Variants in NLRP9 observed in about 807,000 individuals in gnomAD.
NLRP9 encodes the protein NLR family pyrin domain containing 9.
NLRP9 carries 88 observed loss-of-function variants against 83.1 expected under a neutral mutation model. That is an observed-to-expected ratio of 1.06 (90% CI 0.89 to 1.26). NLRP9 has a LOEUF of 1.26. Ranked by LOEUF, NLRP9 falls within the 50% of genes most tolerant of loss-of-function variation. The pLI, the probability that NLRP9 is intolerant of heterozygous loss-of-function variation, is 0.00. For missense variants in NLRP9, 1,308 were observed against 1,179.3 expected (o/e 1.11, Z -1.60); for synonymous variants, 521 against 447.6 (o/e 1.16, Z -2.07).
rs200767296 is a variant in NLRP9, at chr19:55,732,126, A to T, written c.1705T>A (p.Phe569Ile). 1 of 1,613,108 alleles carries T rather than the reference A, an allele frequency of 6.2e-7. No homozygotes were observed. The highest frequency in any genetic ancestry group is 2.2e-5 in the East Asian group (1 of 44,880). Residue 569 changes from phenylalanine (F) to isoleucine (I), a missense_variant, in exon 2 of 9, where the codon TTC (phenylalanine) becomes ATC (isoleucine). Transcript: ENST00000332836. ...TKVMNFFEEV[F>I]IYIGNIEHLV... The stretch of plus-strand genomic sequence containing the variant: ...TGTTCTATGTTACCAATATAAATGA[A>T]AACTTCTTCAAAGAAATTCATCACT...
chr19:55,730,592 A>G (rs1988543378), intron 2 of NLRP9, among the ~76,000 whole-genome samples: 1 of 152,236 alleles, frequency 6.6e-6, no homozygotes. Context: ...AAGGAACAAG[A>G]TAATGTCCTT....
In NLRP9 at chr19:55,731,992, GACTC is replaced by G; in HGVS notation, c.1832+3_1832+6del. The G allele has an allele frequency of 6.6e-7, 1 of 1,522,540 alleles. No homozygotes were observed. Among genetic ancestry groups the G allele is most frequent in the Non-Finnish European group, 8.9e-7 (1 of 1,128,000 alleles). 94.3% of individuals were successfully genotyped at this position (1,522,540 alleles called of 1,614,324 possible). On this transcript the variant is annotated splice_donor_5th_base_variant and intron_variant, in intron 2 of 8. Coordinates refer to ENST00000332836, the MANE Select transcript of NLRP9 (RefSeq NM_176820.4). ...GTGTGGGACGGGGGATTAATAGACAGACTCACTCTGAGATGCATCCTGAGTCATC... is the reference window on the plus strand; with the variant it reads ...GTGTGGGACGGGGGATTAATAGACAGACTCTGAGATGCATCCTGAGTCATC...
At chr19:55,713,593 T>TC (rs1555794019) in intron 6 of NLRP9, among the ~76,000 whole-genome samples, 9 of 35,362 alleles carry the variant, frequency 2.5e-4, no homozygotes, top group African/African-American at 9.3e-4. Context: ...CCTCCCCTCC[T>TC]CCTCCTCTCC....
intron 3 of NLRP9, 129 bp from the exon 4 acceptor site, chr19:55,724,273 C>T (rs1460409516): frequency 8.2e-6 from 5 of 611,400 alleles, no homozygotes; most frequent in Non-Finnish European, 8.3e-6. Context: ...TCTGGTTACT[C>T]CTGCCAGTAA....
chr19:55,718,128 A>G (rs540894463), intron 4 of NLRP9, among the ~76,000 whole-genome samples: 172 of 152,342 alleles, frequency 1.1e-3, no homozygotes, highest in African/African-American at 3.9e-3. Flanking sequence ...CAGGCAGTAT[A>G]CTTGGTAAAA....
At chr19:55,731,972 G>A in intron 2 of NLRP9, 27 bp downstream of exon 2, 3 of 1,416,452 alleles carry the variant, frequency 2.1e-6, no homozygotes, top group South Asian at 1.4e-5. Flanking sequence ...GTAGTGTGTG[G>A]GACGGGGGAT....
intron 4 of NLRP9, 96 bp from the exon 5 acceptor site, chr19:55,716,994 G>C (rs944475191): frequency 7.9e-6 from 7 of 883,382 alleles, no homozygotes; most frequent in Non-Finnish European, 1.2e-5. Flanking sequence ...TTCTAGTCTT[G>C]CACCTGCCGA....
At chr19:55,720,687 G>A (rs988482297) in intron 4 of NLRP9, among the ~76,000 whole-genome samples, 2 of 152,084 alleles carry the variant, frequency 1.3e-5, no homozygotes, top group Admixed American at 6.6e-5. Context: ...ATTCAGTTTT[G>A]ATAAAGAATC....
intron 4 of NLRP9, among the ~76,000 whole-genome samples, chr19:55,721,047 T>A (rs1405981062): frequency 6.6e-6 from 1 of 152,244 alleles, no homozygotes; most frequent in Non-Finnish European, 1.5e-5. Flanking sequence ...CACATTCATT[T>A]CATAGGCAAA....
At position 55,708,605 on chromosome 19, in the gene NLRP9, A is replaced by C. The variant is rs1432309026; in HGVS notation, c.*307T>G. On this transcript the variant is annotated 3_prime_UTR_variant, in exon 9 of 9. Transcript: ENST00000332836. Reference sequence around the variant, plus strand: ...CAAATGCATGCTCCTACACACCAAGACATCCATTAAGAAAATAAAGCCATG... The same window carrying C: ...CAAATGCATGCTCCTACACACCAAGCCATCCATTAAGAAAATAAAGCCATG... 4.8e-6 allele frequency: 1 copy of C among 207,632 alleles called. No individual in the cohort carries two copies. The highest frequency in any genetic ancestry group is 9.5e-6 in the Non-Finnish European group (1 of 104,822). 12.9% of individuals were successfully genotyped at this position (207,632 alleles called of 1,614,324 possible). A position where few individuals can be genotyped will look rare whatever the true frequency, so the allele number is the denominator to read the frequency against.
chr19:55,715,362 C>G, intron 5 of NLRP9, 137 bp from the exon 6 acceptor site: 4 of 734,514 alleles, frequency 5.4e-6, no homozygotes, highest in Middle Eastern at 3.4e-4. Flanking sequence ...AAAACCTTTC[C>G]AGATGTTCCT....
intron 4 of NLRP9, 99 bp from the exon 5 acceptor site, chr19:55,716,997 C>T (rs1320100281): frequency 3.4e-6 from 3 of 880,002 alleles, no homozygotes; most frequent in Admixed American, 4.3e-5. Flanking sequence ...TAGTCTTGCA[C>T]CTGCCGATCC....
chr19:55,734,504 T>C (rs1988720511), intron 1 of NLRP9, among the ~76,000 whole-genome samples: 1 of 136,778 alleles, frequency 7.3e-6, no homozygotes, highest in East Asian at 2.0e-4. Flanking sequence ...GTCAGCAAAG[T>C]ACACATATAT....
intron 6 of NLRP9, among the ~76,000 whole-genome samples, chr19:55,712,805 AAG>A (rs936373516): frequency 2.0e-5 from 1 of 50,330 alleles, no homozygotes; most frequent in Non-Finnish European, 3.8e-5. Context: ...GAAGGGGAGA[AAG>A]AGGAGGGAGA....
Position 55,711,052 on chromosome 19 carries a change from C to T in NLRP9, c.2843+748G>A, listed in dbSNP as rs566212390. ...AGTGAGCTGAGACTGTGCCACTGCA[C>T]TCCAGCCTGGATGACAGAGCAAGAC... On this transcript the variant is annotated intron_variant, in intron 8 of 8. Transcript: ENST00000332836. Among the ~76,000 whole-genome samples the T allele has an allele frequency of 5.4e-4, 82 of 151,308 alleles. 3 individuals are homozygous for T. The South Asian group carries it at 0.016, about 30-fold the overall frequency.
chr19:55,736,424 T>C (rs1449089659), intron 1 of NLRP9, among the ~76,000 whole-genome samples: 2 of 151,030 alleles, frequency 1.3e-5, no homozygotes, highest in African/African-American at 4.9e-5. Flanking sequence ...GTCTTAGAGA[T>C]TTTTATAACA....
rs969180927 is a variant in NLRP9 at position 55,733,006 on chromosome 19, T to C, written c.825A>G (p.Leu275=). The change falls in exon 2 of 9, where the codon TTA becomes TTG. Residue 275 remains leucine, a synonymous_variant. Coordinates refer to ENST00000332836, the MANE Select transcript of NLRP9 (RefSeq NM_176820.4). ...MLPESSLLIA[L]GKLAMQKHYF... is the part of the protein sequence containing the mutation. ...AGTGTTTTTGCATAGCCAGTTTTCC[T>C]AATGCAATAAGGAGAGAGGATTCTG... 1.2e-6 allele frequency: 2 copies of C among 1,614,104 alleles called. No homozygotes were observed. Among genetic ancestry groups the C allele is most frequent in the African/African-American group, 1.3e-5 (1 of 74,942 alleles).
chr19:55,721,366 A>C (rs1988220761), intron 4 of NLRP9, among the ~76,000 whole-genome samples: 1 of 152,178 alleles, frequency 6.6e-6, no homozygotes, highest in Admixed American at 6.5e-5. Flanking sequence ...GGGTTTCCAG[A>C]TACACACGAA....
intron 1 of NLRP9, among the ~76,000 whole-genome samples, chr19:55,734,526 C>CACATAT (rs962062094): frequency 1.0e-4 from 11 of 107,826 alleles, no homozygotes; most frequent in African/African-American, 4.7e-4. Flanking sequence ...TACACACACA[C>CACATAT]ATATATATAT....
Sources: gnomAD v4.1 joint callset for allele counts (sites outside exome capture counted in the v4.1 genomes callset) on GRCh38, gnomAD v4.1.1 for gene constraint, MANE v1.5 for transcripts, NCBI Gene and HGNC (gene_info 2026-07-23, HGNC 2026-07-21) for gene names.